ITGA9: variants seen among roughly 807,000 people sequenced by gnomAD.
ITGA9 encodes integrin subunit alpha 9, also known as integrin alpha-9.
ITGA9 carries 56 observed loss-of-function variants against 127.8 expected under a neutral mutation model. The ratio of observed to expected loss-of-function variants is 0.44; its 90% CI spans 0.35 to 0.55. ITGA9 has a LOEUF of 0.55. Ranked by LOEUF, ITGA9 falls within the 20% of genes least tolerant of loss-of-function variation. The pLI is 0.00. For missense variants in ITGA9, 1,196 were observed against 1,347.1 expected (o/e 0.89, Z 1.76); for synonymous variants, 508 against 514.5 (o/e 0.99, Z 0.17).
At chr3:37,488,797 C>CA (rs768433502) in intron 4 of ITGA9, among the ~76,000 whole-genome samples, 7,952 of 125,310 alleles carry the variant, frequency 0.063, 239 homozygotes, top group African/African-American at 0.093. Context: ...GACTCTGTCT[C>CA]AAAAAAAAAA....
chr3:37,553,198 A>C (rs571522748), intron 15 of ITGA9, among the ~76,000 whole-genome samples: 2 of 152,260 alleles, frequency 1.3e-5, no homozygotes, highest in East Asian at 3.9e-4. Context: ...ATGCCCCCTT[A>C]TCCCTAACAT....
intron 15 of ITGA9, among the ~76,000 whole-genome samples, chr3:37,548,543 G>A (rs1366044280): frequency 6.6e-6 from 1 of 152,122 alleles, no homozygotes; most frequent in Non-Finnish European, 1.5e-5. Flanking sequence ...TTCTTTTTCA[G>A]TAGTTCTTTT....
At chr3:37,627,002 GT>G (rs1024512274) in intron 15 of ITGA9, among the ~76,000 whole-genome samples, 1 of 152,136 alleles carries the variant, frequency 6.6e-6, no homozygotes, top group Non-Finnish European at 1.5e-5. Flanking sequence ...TCAAATTCTG[GT>G]TAGCAGAGTC....
intron 20 of ITGA9, among the ~76,000 whole-genome samples, chr3:37,738,074 A>G (rs1485909824): frequency 6.6e-6 from 1 of 152,244 alleles, no homozygotes; most frequent in Non-Finnish European, 1.5e-5. Context: ...TGATTATGCC[A>G]GTTATCCCAA....
intron 18 of ITGA9, among the ~76,000 whole-genome samples, chr3:37,708,846 G>A (rs1701043606): frequency 6.6e-6 from 1 of 152,218 alleles, no homozygotes; most frequent in South Asian, 2.1e-4. Flanking sequence ...ATCCCTCTCA[G>A]GCGTATGAAT....
intron 17 of ITGA9, among the ~76,000 whole-genome samples, chr3:37,681,701 G>A (rs899449592): frequency 6.6e-6 from 1 of 152,056 alleles, no homozygotes; most frequent in African/African-American, 2.4e-5. Flanking sequence ...TTGTTCAAAG[G>A]TCGCATCACA....
At chr3:37,503,136 C>T (rs1453881381) in intron 5 of ITGA9, 42 bp from the exon 6 acceptor site, 2 of 1,610,954 alleles carry the variant, frequency 1.2e-6, no homozygotes, top group Non-Finnish European at 1.7e-6. Context: ...TCCTCCCCTC[C>T]TCACTTCCTT....
chr3:37,768,111 A>G (rs1365499548), intron 23 of ITGA9, among the ~76,000 whole-genome samples: 1 of 152,198 alleles, frequency 6.6e-6, no homozygotes, highest in African/African-American at 2.4e-5. Context: ...CCTAGGATTC[A>G]TTAATATTAT....
At chr3:37,704,008 C>G (rs765640699) in intron 18 of ITGA9, among the ~76,000 whole-genome samples, 24 of 152,148 alleles carry the variant, frequency 1.6e-4, no homozygotes, top group Non-Finnish European at 2.4e-4. Context: ...CAGGCACAGG[C>G]AGGCTGACTC....
intron 15 of ITGA9, among the ~76,000 whole-genome samples, chr3:37,611,448 G>T (rs1575166379): frequency 6.6e-6 from 1 of 152,168 alleles, no homozygotes; most frequent in Non-Finnish European, 1.5e-5. Flanking sequence ...TAGTGACCTT[G>T]TTAAAACCAG....
intron 18 of ITGA9, among the ~76,000 whole-genome samples, chr3:37,697,867 G>C (rs1213082571): frequency 6.6e-6 from 1 of 152,184 alleles, no homozygotes; most frequent in Admixed American, 6.5e-5. Context: ...GGATGGCTGG[G>C]TCAAATGGTG....
chr3:37,758,052 G>T (rs112063717), intron 23 of ITGA9, among the ~76,000 whole-genome samples: 2 of 151,512 alleles, frequency 1.3e-5, no homozygotes, highest in African/African-American at 4.9e-5. Context: ...GGCCGGGCGC[G>T]GTGGCTCACG....
At chr3:37,663,727 C>A (rs1365142184) in intron 17 of ITGA9, among the ~76,000 whole-genome samples, 5 of 152,156 alleles carry the variant, frequency 3.3e-5, no homozygotes, top group Admixed American at 3.3e-4. Flanking sequence ...TTAGTGAGCA[C>A]TGACCAAGCA....
At chr3:37,713,921 A>G (rs1022475505) in intron 18 of ITGA9, among the ~76,000 whole-genome samples, 3 of 152,226 alleles carry the variant, frequency 2.0e-5, no homozygotes, top group African/African-American at 7.2e-5. Flanking sequence ...CTCACGGTTT[A>G]AAAGGCTGCA....
In ITGA9 at chr3:37,597,091, G is replaced by C. The variant is rs1325797019; in HGVS notation, c.1690-32096G>C. ...CCTCTAGCAACCTTCAAAGCCTGAAGTAGGGCCAAGTTGGAAGAGGCGAGG... is the reference window on the plus strand; with the variant it reads ...CCTCTAGCAACCTTCAAAGCCTGAACTAGGGCCAAGTTGGAAGAGGCGAGG... On this transcript the variant is annotated intron_variant, in intron 15 of 27. Coordinates refer to ENST00000264741, the MANE Select transcript of ITGA9 (RefSeq NM_002207.3). This position sits in a 1 kb window ranked among gnomAD's most constrained non-coding sequence, Gnocchi z 4.6. Among the ~76,000 whole-genome samples, 4 of 152,222 alleles carry C rather than the reference G, an allele frequency of 2.6e-5. No individual in the cohort carries two copies. Among genetic ancestry groups the C allele is most frequent in the Non-Finnish European group, 5.9e-5 (4 of 68,044 alleles).
intron 23 of ITGA9, among the ~76,000 whole-genome samples, chr3:37,766,211 C>T (rs752402113): frequency 2.6e-5 from 4 of 152,216 alleles, no homozygotes; most frequent in South Asian, 2.1e-4. Context: ...AACAGGAAAA[C>T]GCTTTTCTGA....
intron 17 of ITGA9, among the ~76,000 whole-genome samples, chr3:37,656,264 C>G (rs531719854): frequency 6.6e-6 from 1 of 152,174 alleles, no homozygotes; most frequent in African/African-American, 2.4e-5. Context: ...ATTGCATTGA[C>G]TCTATAAATT....
intron 15 of ITGA9, among the ~76,000 whole-genome samples, chr3:37,557,448 G>A (rs1324710869): frequency 6.6e-6 from 1 of 152,260 alleles, no homozygotes; most frequent in Non-Finnish European, 1.5e-5. Flanking sequence ...CCACCCCTTC[G>A]AAGCAGCCAT....
intron 19 of ITGA9, 137 bp downstream of exon 19, chr3:37,732,935 C>T (rs971319885): frequency 1.4e-6 from 1 of 710,052 alleles, no homozygotes; most frequent in Admixed American, 2.0e-5. Context: ...CCACTGAAGC[C>T]CTGACATGCT....
Sources: allele counts gnomAD v4.1 joint callset (sites outside exome capture counted in the v4.1 genomes callset), GRCh38; gene constraint gnomAD v4.1.1; non-coding constraint Gnocchi (gnomAD v3.1); transcripts MANE v1.5; gene names NCBI Gene and HGNC (gene_info 2026-07-23, HGNC 2026-07-21).